The following WDR27 variants were observed in gnomAD, a reference collection of about 807,000 sequenced individuals.
The protein encoded by WDR27 is WD repeat-containing protein 27.
WDR27 carries 100 observed loss-of-function variants against 114.4 expected under a neutral mutation model. That is an observed-to-expected ratio of 0.87 (90% CI 0.74 to 1.03). WDR27 has a LOEUF of 1.03. Among genes scored for constraint, WDR27 ranks in the 50% least tolerant of loss-of-function variants. The pLI is 0.00. For missense variants in WDR27, 1,129 were observed against 1,092.9 expected, an observed-to-expected ratio of 1.03 and a Z score of -0.47; for synonymous variants, 449 against 423.1, an observed-to-expected ratio of 1.06 and a Z score of -0.75.
At chr6:169,526,495 C>A (rs1794985230) in intron 25 of WDR27, among the ~76,000 whole-genome samples, 1 of 152,024 alleles carries the variant, frequency 6.6e-6, no homozygotes, top group Non-Finnish European at 1.5e-5. Context: ...CGCCCATAGT[C>A]CCAGCTACTC....
At chr6:169,481,482 TTCACTCTTCGCAATAAATCTTGCTGCTGC>T (rs1422913098) in intron 25 of WDR27, among the ~76,000 whole-genome samples, 4 of 152,334 alleles carry the variant, frequency 2.6e-5, no homozygotes, top group East Asian at 3.9e-4. Flanking sequence ...ACCTTGTTCT[TTCACTCTTCGCAATAAATCTTGCTGCTGC>T]TCACTCTTCG....
At chr6:169,685,021 T>C (rs1266059201) in intron 2 of WDR27, among the ~76,000 whole-genome samples, 2 of 152,054 alleles carry the variant, frequency 1.3e-5, no homozygotes, top group African/African-American at 2.4e-5. Flanking sequence ...CCACAAATTC[T>C]CTTAGTCAAG....
intron 25 of WDR27, among the ~76,000 whole-genome samples, chr6:169,564,268 C>T (rs1180013202): frequency 6.6e-6 from 1 of 152,204 alleles, no homozygotes; most frequent in East Asian, 1.9e-4. Flanking sequence ...AGTCCTTCCA[C>T]GTTCCTCTGC....
At chr6:169,513,015 G>A (rs1248981617) in intron 25 of WDR27, among the ~76,000 whole-genome samples, 5 of 152,102 alleles carry the variant, frequency 3.3e-5, no homozygotes, top group South Asian at 2.1e-4. Flanking sequence ...TTTTCTAAAC[G>A]TTCCAGTTAC....
intron 2 of WDR27, among the ~76,000 whole-genome samples, chr6:169,676,758 G>A (rs150677988): frequency 2.0e-5 from 3 of 152,028 alleles, no homozygotes; most frequent in South Asian, 2.1e-4. Flanking sequence ...GAAAATTATC[G>A]AATCCACCTA....
intron 2 of WDR27, among the ~76,000 whole-genome samples, chr6:169,681,547 T>C (rs575822013): frequency 6.6e-6 from 1 of 152,222 alleles, no homozygotes; most frequent in South Asian, 2.1e-4. Flanking sequence ...ACCACCTCAT[T>C]TGGCCTTGAG....
At chr6:169,637,918 T>C (rs1818069155) in intron 18 of WDR27, among the ~76,000 whole-genome samples, 1 of 152,048 alleles carries the variant, frequency 6.6e-6, no homozygotes, top group South Asian at 2.1e-4. Flanking sequence ...GCCTCTTACA[T>C]GCATGTGAAT....
At chr6:169,462,810 A>G (rs1785080383) in intron 25 of WDR27, among the ~76,000 whole-genome samples, 1 of 152,212 alleles carries the variant, frequency 6.6e-6, no homozygotes, top group Non-Finnish European at 1.5e-5. Context: ...ATGGTTCAAC[A>G]AAAATTGATC....
In WDR27 at chr6:169,510,797, CA is replaced by C. The variant is rs550082607; in HGVS notation, c.2646-53164del. On this transcript the variant is annotated intron_variant, in intron 25 of 25. Transcript: ENST00000448612. ...AAAGTATAATAATAATAAAAAAAGA[CA>C]AAAAAAAGACAAAGTTTTCTGAATG... 3.0e-3 allele frequency among the ~76,000 whole-genome samples: 455 copies of C among 151,498 alleles called. 1 individual carries two copies. Among genetic ancestry groups the C allele is most frequent in the African/African-American group, 0.01 (421 of 41,402 alleles).
intron 25 of WDR27, among the ~76,000 whole-genome samples, chr6:169,492,925 T>C (rs1789953524): frequency 6.6e-6 from 1 of 151,942 alleles, no homozygotes; most frequent in South Asian, 2.1e-4. Context: ...ATTAAGTATA[T>C]AAATTAAAAT....
chr6:169,701,334 G>C (rs1027897165), intron 1 of WDR27, among the ~76,000 whole-genome samples: 4 of 152,146 alleles, frequency 2.6e-5, no homozygotes, highest in Non-Finnish European at 5.9e-5. Context: ...GCTCGAGTTA[G>C]GAAAACCTAG....
chr6:169,457,467 C>T lies in WDR27; in HGVS notation c.*125G>A, dbSNP rs1784412345. On this transcript the variant is annotated 3_prime_UTR_variant, in exon 26 of 26. Transcript: ENST00000448612. ...GCTTGCAAACGGGGGAAATCTGAGG[C>T]AAGTCTCAAAATATGAAAAACAGTT... 2.6e-6 allele frequency: 2 copies of T among 768,284 alleles called. No homozygotes were observed. Among genetic ancestry groups the T allele is most frequent in the Non-Finnish European group, 4.1e-6 (2 of 493,036 alleles). The allele number at this position is 768,284 out of a possible 1,614,324, so 47.6% of individuals were successfully genotyped here.
chr6:169,645,036 T>TAAAAAAAAAAAAAAA (rs369797685), intron 16 of WDR27, among the ~76,000 whole-genome samples: 91 of 76,944 alleles, frequency 1.2e-3, no homozygotes, highest in Non-Finnish European at 1.8e-3. Flanking sequence ...AAAAAAAAAA[T>TAAAAAAAAAAAAAAA]AAAAAAAAAA....
intron 22 of WDR27, among the ~76,000 whole-genome samples, chr6:169,607,499 A>G (rs1233784828): frequency 6.6e-6 from 1 of 152,144 alleles, no homozygotes; most frequent in Non-Finnish European, 1.5e-5. Context: ...AGTAGAGGGC[A>G]TTATCTTAAG....
At chr6:169,664,353 C>T in intron 7 of WDR27, 67 bp from the exon 8 acceptor site, 1 of 1,607,814 alleles carries the variant, frequency 6.2e-7, no homozygotes, top group Non-Finnish European at 8.5e-7. Flanking sequence ...GCAGCAACAC[C>T]AGAGGTGGAG....
At position 169,665,350 on chromosome 6, in the gene WDR27, C is replaced by T. The variant is rs1169588923; in HGVS notation, c.783+136G>A. ...TGACGCTGAGACCCACAGAAGGTCACGTTCTCAGCACTGAGGTGGACAGGT... is the reference window on the plus strand; with the variant it reads ...TGACGCTGAGACCCACAGAAGGTCATGTTCTCAGCACTGAGGTGGACAGGT... On this transcript the variant is annotated intron_variant, in intron 7 of 25. Transcript: ENST00000448612. The T allele has an allele frequency of 1.4e-5, 20 of 1,426,034 alleles. No homozygotes were observed. The Admixed American group carries it at 3.3e-4, about 23-fold the overall frequency. 88.3% of individuals were successfully genotyped at this position (1,426,034 alleles called of 1,614,324 possible).
intron 25 of WDR27, among the ~76,000 whole-genome samples, chr6:169,471,030 T>C (rs949291080): frequency 2.0e-5 from 3 of 152,172 alleles, no homozygotes; most frequent in East Asian, 1.9e-4. Flanking sequence ...AGGTGGTTGA[T>C]AGTAGCTTTT....
At chr6:169,574,658 G>A (rs1036165703) in intron 24 of WDR27, among the ~76,000 whole-genome samples, 1 of 152,138 alleles carries the variant, frequency 6.6e-6, no homozygotes, top group Non-Finnish European at 1.5e-5. Flanking sequence ...AAGTCATGGA[G>A]AGGGTGCCAG....
chr6:169,698,163 G>T (rs574575932), intron 1 of WDR27, among the ~76,000 whole-genome samples: 31 of 152,304 alleles, frequency 2.0e-4, no homozygotes, highest in African/African-American at 7.0e-4. Flanking sequence ...TTCTGGGTCA[G>T]TCTGGCCCCA....
Sources: gnomAD v4.1 joint callset for allele counts (sites outside exome capture counted in the v4.1 genomes callset) on GRCh38, gnomAD v4.1.1 for gene constraint, MANE v1.5 for transcripts, NCBI Gene and HGNC (gene_info 2026-07-23, HGNC 2026-07-21) for gene names.